The following GRM1 variants were observed in gnomAD, a reference collection of about 807,000 sequenced individuals.
GRM1 encodes metabotropic glutamate receptor 1.
A neutral mutation model predicts 90.9 loss-of-function variants in GRM1; 33 were observed. That is an observed-to-expected ratio of 0.36 (90% confidence interval 0.28 to 0.49). GRM1 has a LOEUF of 0.49. Among genes scored for constraint, GRM1 ranks in the 20% least tolerant of loss-of-function variants. The probability of loss-of-function intolerance (pLI) is 0.99; values close to 1 mark genes in which losing one functional copy is unlikely to be tolerated. For synonymous variants in GRM1, 700 were observed against 613.2 expected, an observed-to-expected ratio of 1.14 and a Z score of -2.09; for missense variants, 1,190 against 1,534.3, an observed-to-expected ratio of 0.78 and a Z score of 3.75.
chr6:146,030,445 G>T (rs370618874), intron 1 of GRM1, among the ~76,000 whole-genome samples: 4 of 151,358 alleles, frequency 2.6e-5, no homozygotes, highest in African/African-American at 7.3e-5. Context: ...GAGCTGAAAG[G>T]GTATCAAACT....
intron 2 of GRM1, among the ~76,000 whole-genome samples, chr6:146,241,382 G>A (rs1283670204): frequency 2.0e-5 from 3 of 152,142 alleles, no homozygotes; most frequent in Admixed American, 6.6e-5. Flanking sequence ...TCATGGTCTT[G>A]TGGAAGGAAT....
At chr6:146,371,232 G>T (rs1447566443) in intron 5 of GRM1, among the ~76,000 whole-genome samples, 1 of 152,110 alleles carries the variant, frequency 6.6e-6, no homozygotes, top group African/African-American at 2.4e-5. Context: ...AGCTCTCAAA[G>T]AGGATATGAA....
At chr6:146,062,875 T>G (rs1775722534) in intron 1 of GRM1, among the ~76,000 whole-genome samples, 1 of 152,214 alleles carries the variant, frequency 6.6e-6, no homozygotes, top group South Asian at 2.1e-4. Context: ...CTAAATTTAT[T>G]TTATATTTCT....
intron 1 of GRM1, among the ~76,000 whole-genome samples, chr6:146,109,770 C>T (rs774344101): frequency 6.6e-6 from 1 of 152,190 alleles, no homozygotes; most frequent in Non-Finnish European, 1.5e-5. Context: ...TGCAAAGCTA[C>T]AGGGGTGGAG....
chr6:146,282,765 A>C (rs1463980320), intron 2 of GRM1, among the ~76,000 whole-genome samples: 1 of 152,242 alleles, frequency 6.6e-6, no homozygotes, highest in Non-Finnish European at 1.5e-5. Context: ...AAAAGGATGT[A>C]AAATGTTAGG....
At chr6:146,118,518 A>G (rs1775852199) in intron 1 of GRM1, among the ~76,000 whole-genome samples, 1 of 152,160 alleles carries the variant, frequency 6.6e-6, no homozygotes, top group Admixed American at 6.5e-5. Context: ...TATATGTGCC[A>G]TGTTGGTGTA....
intron 7 of GRM1, among the ~76,000 whole-genome samples, chr6:146,404,795 G>A (rs1286743755): frequency 1.3e-5 from 2 of 152,134 alleles, no homozygotes; most frequent in Non-Finnish European, 2.9e-5. Context: ...TAAATCACAA[G>A]GTGCAATAAA....
At chr6:146,171,687 A>G in intron 2 of GRM1, 1 of 293,520 alleles carries the variant, frequency 3.4e-6, no homozygotes, top group Non-Finnish European at 7.1e-6. Flanking sequence ...CAACTAGAGG[A>G]GGACATGAAG....
chr6:146,082,071 G>A (rs761513710), intron 1 of GRM1, among the ~76,000 whole-genome samples: 4 of 152,112 alleles, frequency 2.6e-5, no homozygotes, highest in Non-Finnish European at 5.9e-5. Context: ...TCATAATGCT[G>A]CTTTGAGACT....
At chr6:146,184,580 T>C (rs1778662765) in intron 2 of GRM1, among the ~76,000 whole-genome samples, 1 of 152,204 alleles carries the variant, frequency 6.6e-6, no homozygotes, top group South Asian at 2.1e-4. Flanking sequence ...ACTAAATTTT[T>C]ATTGAGTCCT....
At chr6:146,277,277 G>A (rs750377312) in intron 2 of GRM1, among the ~76,000 whole-genome samples, 19 of 152,188 alleles carry the variant, frequency 1.2e-4, no homozygotes, top group Non-Finnish European at 8.8e-5. Flanking sequence ...AGACTCCTAA[G>A]AAAGGCCTGT....
chr6:146,141,442 A>G (rs888526094), intron 1 of GRM1, among the ~76,000 whole-genome samples: 2 of 151,982 alleles, frequency 1.3e-5, no homozygotes, highest in African/African-American at 4.8e-5. Context: ...TGGTTTGGGA[A>G]GTTCTCTGAT....
chr6:146,107,811 C>G (rs1198804635), intron 1 of GRM1, among the ~76,000 whole-genome samples: 1 of 152,080 alleles, frequency 6.6e-6, no homozygotes, highest in Non-Finnish European at 1.5e-5. Context: ...AGGCCACTTC[C>G]CTAATATAAG....
At chr6:146,103,415 C>T (rs1325555398) in intron 1 of GRM1, among the ~76,000 whole-genome samples, 2 of 152,168 alleles carry the variant, frequency 1.3e-5, no homozygotes, top group Non-Finnish European at 2.9e-5. Flanking sequence ...AGCTCTGTCA[C>T]ACTCTCTTGG....
At chr6:146,200,241 G>A (rs990147517) in intron 2 of GRM1, among the ~76,000 whole-genome samples, 1 of 152,156 alleles carries the variant, frequency 6.6e-6, no homozygotes, top group Non-Finnish European at 1.5e-5. Flanking sequence ...TTCACTGCAG[G>A]AGGTACTAGT....
At chr6:146,139,382 G>A (rs1238991910) in intron 1 of GRM1, among the ~76,000 whole-genome samples, 3 of 152,082 alleles carry the variant, frequency 2.0e-5, no homozygotes, top group African/African-American at 4.8e-5. Context: ...TTTCTGTATG[G>A]ATGATCTGTC....
chr6:146,201,136 T>C (rs919732904), intron 2 of GRM1, among the ~76,000 whole-genome samples: 6 of 152,178 alleles, frequency 3.9e-5, no homozygotes, highest in Admixed American at 3.3e-4. Flanking sequence ...TTCAGTGAAA[T>C]ATACTTTTTA....
chr6:146,159,119 A>AG, intron 1 of GRM1, among the ~76,000 whole-genome samples: 1 of 152,360 alleles, frequency 6.6e-6, no homozygotes, highest in Admixed American at 6.5e-5. Context: ...GTCTCATTAT[A>AG]GGTTCCCTAG....
At chr6:146,374,620 G>C (rs897055885) in intron 5 of GRM1, among the ~76,000 whole-genome samples, 1 of 151,978 alleles carries the variant, frequency 6.6e-6, no homozygotes, top group Non-Finnish European at 1.5e-5. Flanking sequence ...CCACGGATTT[G>C]TCTATTTCTT....
Sources: gnomAD v4.1 joint callset for allele counts (sites outside exome capture counted in the v4.1 genomes callset) on GRCh38, gnomAD v4.1.1 for gene constraint, MANE v1.5 for transcripts, NCBI Gene and HGNC (gene_info 2026-07-23, HGNC 2026-07-21) for gene names.